Variants in ATP8A2 observed in about 807,000 individuals in gnomAD.
ATP8A2 encodes phospholipid-transporting ATPase IB.
Under a neutral mutation model 165.6 loss-of-function variants are expected in ATP8A2, and 100 were observed. That is an observed-to-expected ratio of 0.60 (90% CI 0.51 to 0.71). ATP8A2 has a LOEUF of 0.71. Among genes scored for constraint, ATP8A2 ranks in the 30% least tolerant of loss-of-function variants. The pLI is 0.00. For missense variants in ATP8A2, 1,227 were observed against 1,479.5 expected (o/e 0.83, Z 2.80); for synonymous variants, 543 against 548.8 (o/e 0.99, Z 0.15).
intron 30 of ATP8A2, among the ~76,000 whole-genome samples, chr13:25,859,322 C>G (rs574274907): frequency 6.6e-6 from 1 of 152,024 alleles, no homozygotes; most frequent in East Asian, 1.9e-4. Flanking sequence ...CACAGTATAC[C>G]TTTGTAACAA....
rs574388689 is a variant in ATP8A2, at chr13:25,506,707, A to G, written c.222-23292A>G. ...GCAGCATCTGTGACACTGTGACACT[A>G]TAATCCCAAAGGGCTGGGATTATAG... On this transcript the variant is annotated intron_variant, in intron 2 of 36. Coordinates refer to ENST00000381655, the MANE Select transcript of ATP8A2 (RefSeq NM_016529.6). Among the ~76,000 whole-genome samples the G allele has an allele frequency of 5.3e-5, 8 of 152,292 alleles. No homozygotes were observed. The South Asian group carries it at 1.4e-3, about 28-fold the overall frequency.
At chr13:25,409,460 G>A (rs2033903340) in intron 1 of ATP8A2, among the ~76,000 whole-genome samples, 1 of 152,120 alleles carries the variant, frequency 6.6e-6, no homozygotes, top group Non-Finnish European at 1.5e-5. Context: ...GGCAAAACAG[G>A]TAACTTGGAA....
At chr13:25,915,828 A>G (rs564433257) in intron 33 of ATP8A2, among the ~76,000 whole-genome samples, 1 of 152,248 alleles carries the variant, frequency 6.6e-6, no homozygotes, top group Admixed American at 6.5e-5. Flanking sequence ...AGTAAGGTTT[A>G]ATAAGTATTT....
chr13:25,414,078 A>T (rs2034059533), intron 1 of ATP8A2, among the ~76,000 whole-genome samples: 1 of 152,040 alleles, frequency 6.6e-6, no homozygotes, highest in South Asian at 2.1e-4. Context: ...TTTCACTCCC[A>T]GATTAGGAAA....
intron 2 of ATP8A2, among the ~76,000 whole-genome samples, chr13:25,504,657 G>A (rs1183275548): frequency 5.5e-5 from 8 of 144,524 alleles, no homozygotes; most frequent in African/African-American, 1.0e-4. Flanking sequence ...GGAGAATGGC[G>A]TGAACCCGGG....
chr13:25,834,721 C>T (rs1401601959), intron 28 of ATP8A2, among the ~76,000 whole-genome samples: 1 of 152,204 alleles, frequency 6.6e-6, no homozygotes, highest in African/African-American at 2.4e-5. Flanking sequence ...GTGGCCCAGG[C>T]TGGAATGCAG....
chr13:25,943,516 AAGAT>A (rs1955128813), intron 33 of ATP8A2, among the ~76,000 whole-genome samples: 1 of 152,180 alleles, frequency 6.6e-6, no homozygotes. Flanking sequence ...TGGGCTATAA[AAGAT>A]AGCCTAGGTG....
chr13:25,916,185 T>C (rs972931848), intron 33 of ATP8A2, among the ~76,000 whole-genome samples: 4 of 152,204 alleles, frequency 2.6e-5, no homozygotes, highest in Non-Finnish European at 4.4e-5. Flanking sequence ...GAAAAAATTA[T>C]GTTGCAGACC....
intron 24 of ATP8A2, among the ~76,000 whole-genome samples, chr13:25,606,029 G>C (rs1029858469): frequency 2.0e-5 from 3 of 152,078 alleles, no homozygotes; most frequent in South Asian, 2.1e-4. Flanking sequence ...TTATTTACTA[G>C]GGAATGAAAA....
intron 16 of ATP8A2, chr13:25,567,384 T>C (rs2138156612): frequency 4.4e-6 from 2 of 456,670 alleles, no homozygotes; most frequent in South Asian, 3.1e-5. Context: ...TAGGAAGAAA[T>C]CCCACTGTTT....
At chr13:25,888,791 G>A (rs1000445513) in intron 33 of ATP8A2, among the ~76,000 whole-genome samples, 6 of 152,184 alleles carry the variant, frequency 3.9e-5, no homozygotes, top group Non-Finnish European at 7.3e-5. Flanking sequence ...CCTGGGAGGC[G>A]GAGGTTGCGA....
intron 33 of ATP8A2, among the ~76,000 whole-genome samples, chr13:25,938,328 G>C (rs766421586): frequency 1.3e-5 from 2 of 152,108 alleles, no homozygotes; most frequent in African/African-American, 4.8e-5. Flanking sequence ...GGAAATATGC[G>C]GGAGAATACG....
At chr13:25,481,386 G>A (rs1316708500) in intron 2 of ATP8A2, among the ~76,000 whole-genome samples, 1 of 152,170 alleles carries the variant, frequency 6.6e-6, no homozygotes, top group Non-Finnish European at 1.5e-5. Context: ...GGCAGTTCTA[G>A]GAGCCCTCCT....
intron 27 of ATP8A2, among the ~76,000 whole-genome samples, chr13:25,819,107 A>G (rs570365917): frequency 3.4e-4 from 52 of 152,252 alleles, no homozygotes; most frequent in African/African-American, 1.3e-3. Context: ...TTTTCTTTGC[A>G]CTCATACAAA....
intron 24 of ATP8A2, among the ~76,000 whole-genome samples, chr13:25,665,442 A>G (rs1208381076): frequency 2.6e-5 from 4 of 152,112 alleles, no homozygotes; most frequent in African/African-American, 7.2e-5. Context: ...TAAATATTAA[A>G]AAAGAACATG....
At chr13:25,621,526 A>G (rs1177620350) in intron 24 of ATP8A2, among the ~76,000 whole-genome samples, 1 of 152,098 alleles carries the variant, frequency 6.6e-6, no homozygotes, top group Non-Finnish European at 1.5e-5. Flanking sequence ...GACTTTTTTT[A>G]TCAGACTGAA....
chr13:25,552,327 G>T (rs1311521428), intron 11 of ATP8A2, among the ~76,000 whole-genome samples: 2 of 151,968 alleles, frequency 1.3e-5, no homozygotes, highest in Admixed American at 6.6e-5. Context: ...CCATTTCCAG[G>T]TCTCGCTCTT....
rs144326852 is a variant in ATP8A2 at position 25,713,845 on chromosome 13, C to A, written c.2384+14500C>A. ...GCTACCGTGGTGGACAAGATCAGCA[C>A]AGCCCAGCACAACCCCTGCCTCTGT... On this transcript the variant is annotated intron_variant, in intron 25 of 36. Transcript: ENST00000381655. Among the ~76,000 whole-genome samples the A allele has an allele frequency of 2.2e-3, 334 of 152,262 alleles. 1 individual carries two copies. Among genetic ancestry groups the A allele is most frequent in the African/African-American group, 7.5e-3 (311 of 41,540 alleles).
chr13:25,616,809 C>G (rs370514674), intron 24 of ATP8A2, among the ~76,000 whole-genome samples: 7 of 152,158 alleles, frequency 4.6e-5, no homozygotes. Flanking sequence ...AGCCAGATCT[C>G]ATAGGCTGAA....
Sources: allele counts gnomAD v4.1 joint callset (sites outside exome capture counted in the v4.1 genomes callset), GRCh38; gene constraint gnomAD v4.1.1; transcripts MANE v1.5; gene names NCBI Gene and HGNC (gene_info 2026-07-23, HGNC 2026-07-21).